Variants in CALD1 observed in about 807,000 individuals in gnomAD.
The protein encoded by CALD1 is caldesmon 1.
Under a neutral mutation model 99.9 loss-of-function variants are expected in CALD1, and 33 were observed. The ratio of observed to expected loss-of-function variants is 0.33; its 90% CI spans 0.25 to 0.44. CALD1 has a LOEUF of 0.44. Ranked by LOEUF, CALD1 falls within the 20% of genes least tolerant of loss-of-function variation. CALD1 has a pLI of 1.00. For synonymous variants in CALD1, 310 were observed against 325.0 expected, an observed-to-expected ratio of 0.95 and a Z score of 0.50; for missense variants, 861 against 962.1, an observed-to-expected ratio of 0.89 and a Z score of 1.39.
intron 1 of CALD1, among the ~76,000 whole-genome samples, chr7:134,836,427 A>C (rs980741070): frequency 6.6e-6 from 1 of 152,168 alleles, no homozygotes; most frequent in Non-Finnish European, 1.5e-5. Context: ...CCTTACAAAC[A>C]ACAGTCAGTG....
At chr7:134,805,436 CTTTTTA>C (rs1798098304) in intron 1 of CALD1, among the ~76,000 whole-genome samples, 1 of 152,002 alleles carries the variant, frequency 6.6e-6, no homozygotes. Context: ...TTGAACATTT[CTTTTTA>C]TAACATCCTG....
chr7:134,835,936 G>C (rs1181131257), intron 1 of CALD1, among the ~76,000 whole-genome samples: 1 of 151,976 alleles, frequency 6.6e-6, no homozygotes, highest in Non-Finnish European at 1.5e-5. Flanking sequence ...ACCTGAGTTA[G>C]GAGTTCGAGA....
intron 9 of CALD1, among the ~76,000 whole-genome samples, chr7:134,955,566 A>T (rs944445418): frequency 6.6e-6 from 1 of 152,244 alleles, no homozygotes; most frequent in African/African-American, 2.4e-5. Flanking sequence ...CATGGCTTGC[A>T]GATGGCTGCC....
In CALD1 at chr7:134,958,209, C is replaced by T. The variant is rs537992447; in HGVS notation, c.1980C>T (p.Ser660=). The change falls in exon 11 of 15, where the codon AGC becomes AGT. Residue 660 remains serine (S), a splice_region_variant and synonymous_variant. Coordinates refer to ENST00000361675, the MANE Select transcript of CALD1 (RefSeq NM_033138.4). ...AEFLNKSVQK[S]SGVKSTHQAA... is the part of the protein sequence containing the mutation. ...TATATGTATGTGTTTACTTTTTTAG[C>T]AGTGGTGTCAAATCGACCCATCAAG... 3.1e-6 allele frequency: 5 copies of T among 1,613,732 alleles called. No homozygotes were observed. In the East Asian group the frequency reaches 1.1e-4, roughly 36 times the overall value.
At chr7:134,840,591 C>T (rs1799612052) in intron 1 of CALD1, among the ~76,000 whole-genome samples, 1 of 152,222 alleles carries the variant, frequency 6.6e-6, no homozygotes, top group South Asian at 2.1e-4. Context: ...ATTCCACAAA[C>T]TCATCAACAA....
chr7:134,795,375 T>C (rs943953888), intron 1 of CALD1, among the ~76,000 whole-genome samples: 2 of 152,278 alleles, frequency 1.3e-5, no homozygotes, highest in African/African-American at 4.8e-5. Flanking sequence ...TTCTCTTGCC[T>C]GCCGCCATGT....
intron 1 of CALD1, among the ~76,000 whole-genome samples, chr7:134,839,397 T>A (rs1421005629): frequency 6.6e-6 from 1 of 152,222 alleles, no homozygotes; most frequent in African/African-American, 2.4e-5. Flanking sequence ...CTGGTGAATA[T>A]ATGCATGGAC....
At chr7:134,748,105 T>C (rs1314057068) in intron 1 of CALD1, among the ~76,000 whole-genome samples, 1 of 152,266 alleles carries the variant, frequency 6.6e-6, no homozygotes, top group Non-Finnish European at 1.5e-5. Flanking sequence ...AGTGGAACAC[T>C]GAGCCAAAAA....
At chr7:134,857,117 A>C (rs1239428955) in intron 2 of CALD1, among the ~76,000 whole-genome samples, 1 of 140,788 alleles carries the variant, frequency 7.1e-6, no homozygotes, top group Non-Finnish European at 1.5e-5. Flanking sequence ...AACTCAGGCT[A>C]TTGAGTCAGT....
intron 4 of CALD1, among the ~76,000 whole-genome samples, chr7:134,932,400 A>C (rs943821875): frequency 6.6e-6 from 1 of 152,234 alleles, no homozygotes; most frequent in Non-Finnish European, 1.5e-5. Flanking sequence ...AGAATACTAC[A>C]TGACATGGAA....
At chr7:134,800,607 T>G (rs1479354190) in intron 1 of CALD1, among the ~76,000 whole-genome samples, 2 of 151,976 alleles carry the variant, frequency 1.3e-5, no homozygotes, top group African/African-American at 4.8e-5. Context: ...TCTGTCTAAT[T>G]ATCTTAAAGT....
rs1369696030 is a variant in CALD1, at chr7:134,786,884, C to G, written c.-130+7135C>G. Among the ~76,000 whole-genome samples the G allele has an allele frequency of 2.0e-5, 3 of 152,194 alleles. No individual in the cohort carries two copies. The East Asian group carries it at 5.8e-4, about 29-fold the overall frequency. On this transcript the variant is annotated intron_variant, in intron 1 of 14. Coordinates refer to ENST00000361675, the MANE Select transcript of CALD1 (RefSeq NM_033138.4). ...CATGCATCTTAACCAGTATCTTAAT[C>G]AGAATCAACTGTAGAGCTTTTTGAA...
chr7:134,726,443 A>ATATATAATATATATTATATAGCTT, the CALD1 span, among the ~76,000 whole-genome samples: 321 of 36,630 alleles, frequency 8.8e-3, 15 homozygotes, highest in African/African-American at 0.038. Context: ...ATATAGCTTT[A>ATATATAATATATATTATATAGCTT]TATATATAAT....
rs574742109 is a variant in CALD1, at chr7:134,783,725, C to A, written c.-130+3976C>A. Among the ~76,000 whole-genome samples the A allele has an allele frequency of 6.6e-6, 1 of 152,056 alleles. No homozygotes were observed. Among genetic ancestry groups the A allele is most frequent in the African/African-American group, 2.4e-5 (1 of 41,386 alleles). The stretch of plus-strand genomic sequence containing the variant: ...CGCTTCATGATTGACAGGTAAGAGA[C>A]CTTTGAGCTGGGGCATGTAAGATGG... On this transcript the variant is annotated intron_variant, in intron 1 of 14. Coordinates refer to ENST00000361675, the MANE Select transcript of CALD1 (RefSeq NM_033138.4). This position sits in a 1 kb window ranked among gnomAD's most constrained non-coding sequence, Gnocchi z 4.3.
the CALD1 span, among the ~76,000 whole-genome samples, chr7:134,737,723 C>G: frequency 6.6e-6 from 1 of 152,072 alleles, no homozygotes; most frequent in Non-Finnish European, 1.5e-5. Flanking sequence ...TTTGTAATTC[C>G]TTTTATTGTG....
intron 1 of CALD1, among the ~76,000 whole-genome samples, chr7:134,753,253 A>G (rs75589611): frequency 0.19 from 28,258 of 152,018 alleles, 2,763 homozygotes; most frequent in African/African-American, 0.23. Context: ...CCTGGGCCTA[A>G]ACTCTCATAT....
chr7:134,776,400 T>C (rs1487894644), upstream of CALD1, among the ~76,000 whole-genome samples: 1 of 152,160 alleles, frequency 6.6e-6, no homozygotes, highest in Non-Finnish European at 1.5e-5. Context: ...TTTTTCTACT[T>C]CTCTTATTTA....
At chr7:134,796,743 C>T (rs995096034) in intron 1 of CALD1, among the ~76,000 whole-genome samples, 1 of 152,098 alleles carries the variant, frequency 6.6e-6, no homozygotes, top group Non-Finnish European at 1.5e-5. Context: ...AGCACCATCA[C>T]GCCAGGCTAA....
At chr7:134,908,244 A>C (rs1803548827) in intron 3 of CALD1, among the ~76,000 whole-genome samples, 1 of 152,230 alleles carries the variant, frequency 6.6e-6, no homozygotes, top group Non-Finnish European at 1.5e-5. Context: ...ACCATTGGAT[A>C]TATTTAACAC....
Sources: allele counts gnomAD v4.1 joint callset (sites outside exome capture counted in the v4.1 genomes callset), GRCh38; gene constraint gnomAD v4.1.1; non-coding constraint Gnocchi (gnomAD v3.1); transcripts MANE v1.5; gene names NCBI Gene and HGNC (gene_info 2026-07-23, HGNC 2026-07-21).